GRM6: variants seen among roughly 807,000 people sequenced by gnomAD.
GRM6 encodes the protein metabotropic glutamate receptor 6.
A neutral mutation model predicts 78.4 loss-of-function variants in GRM6; 73 were observed. The ratio of observed to expected loss-of-function variants is 0.93; its 90% CI spans 0.77 to 1.13. GRM6 has a LOEUF of 1.13. GRM6 is among the 50% of genes most tolerant of loss of function. The pLI is 0.00. For synonymous variants in GRM6, 580 were observed against 555.0 expected (o/e 1.05, Z -0.63); for missense variants, 1,251 against 1,256.4 (o/e 1.00, Z 0.07).
intron 2 of GRM6, among the ~76,000 whole-genome samples, chr5:178,993,561 CAGAAGTTCCTCTCCT>C (rs796854094): frequency 4.5e-4 from 69 of 152,244 alleles, no homozygotes; most frequent in African/African-American, 1.6e-3. Flanking sequence ...TCTCAGGAAA[CAGAAGTTCCTCTCCT>C]AGGTAGATGG....
In GRM6 at chr5:178,986,623, T is replaced by C. The variant is rs983807886; in HGVS notation, c.1631A>G (p.Asp544Gly). 13 of 1,602,944 alleles carry C rather than the reference T, an allele frequency of 8.1e-6. No homozygotes were observed. Among genetic ancestry groups the C allele is most frequent in the Admixed American group, 1.7e-5 (1 of 60,004 alleles). ...CTCGTCCACCTGGAAGCGGTACCCG[T>C]CACAGGCCTCGCAGTGCCAACAGCA... ...VPCCWHCEACDGYRFQVDEFT... is the reference protein window; with the variant it reads ...VPCCWHCEACGGYRFQVDEFT... Residue 544 changes from aspartate (D) to glycine (G), a missense_variant, in exon 9 of 11, where the codon GAC becomes GGC. Transcript: ENST00000517717.
Position 178,989,425 on chromosome 5 carries a change from G to A in GRM6, c.1013-20C>T. 1 of 1,613,836 alleles carries A rather than the reference G, an allele frequency of 6.2e-7. No individual in the cohort carries two copies. Among genetic ancestry groups the A allele is most frequent in the Non-Finnish European group, 8.5e-7 (1 of 1,179,988 alleles). On this transcript the variant is annotated intron_variant, in intron 5 of 10. Transcript: ENST00000517717. ...CAAATCCTACAGACAGGGAAGAAGG[G>A]GGAGGGTGGCGCTGACCTGAGCCAG...
chr5:178,989,220 A>AGG, intron 6 of GRM6, 45 bp downstream of exon 6: 43 of 817,062 alleles, frequency 5.3e-5, no homozygotes, highest in Middle Eastern at 3.7e-4. Context: ...CACCCTCACC[A>AGG]CCCTCCCCAC....
At position 178,991,527 on chromosome 5, in the gene GRM6, G is replaced by A. The variant is rs1397465400; in HGVS notation, c.754C>T (p.Pro252Ser). The A allele has an allele frequency of 6.2e-7, 1 of 1,613,880 alleles. No homozygotes were observed. Among genetic ancestry groups the A allele is most frequent in the Non-Finnish European group, 8.5e-7 (1 of 1,179,864 alleles). ...GVCIAQSIKI[P>S]REPKPGEFSK... is the part of the protein sequence containing the mutation. ...AACTCTCCTGGCTTTGGTTCCCTGG[G>A]AATCTTGATAGACTGGGCAATACAG... is the stretch of plus-strand genomic sequence containing the variant. Residue 252 changes from proline to serine, a missense_variant, in exon 4 of 11, where the codon CCC becomes TCC. By Grantham distance (74) the Pro-to-Ser change is moderately conservative (BLOSUM62 -1). Transcript: ENST00000517717. This position sits in a 1 kb window ranked among gnomAD's most constrained non-coding sequence, Gnocchi z 5.0.
At chr5:178,984,343 C>T (rs1760466993) in intron 9 of GRM6, among the ~76,000 whole-genome samples, 1 of 152,178 alleles carries the variant, frequency 6.6e-6, no homozygotes, top group African/African-American at 2.4e-5. Context: ...GAGCAAAGGA[C>T]AGGAACAGGC....
chr5:178,983,598 G>A (rs1449030630), intron 9 of GRM6: 1 of 405,724 alleles, frequency 2.5e-6, no homozygotes, highest in Non-Finnish European at 4.9e-6. Context: ...CGGAAGCTCT[G>A]GAACTGAGGC....
In GRM6 at chr5:178,992,104, C is replaced by G. The variant is rs1465595590; in HGVS notation, c.505-21G>C. On this transcript the variant is annotated intron_variant, in intron 2 of 10. Transcript: ENST00000517717. The surrounding 1 kb of genome is among the most constrained non-coding windows in gnomAD (Gnocchi z 4.9). ...GGTATCTGTGGGGCAGGAAGGACAG[C>G]TGGGCTGTGGATGGAGGTCAGTAAC... 1.3e-6 allele frequency: 2 copies of G among 1,580,534 alleles called. No homozygotes were observed. The highest frequency in any genetic ancestry group is 1.3e-5 in the African/African-American group (1 of 74,260).
rs62638206 is a variant in GRM6 at position 178,991,784 on chromosome 5, C to A, written c.721+83G>T. On this transcript the variant is annotated intron_variant, in intron 3 of 10. Coordinates refer to ENST00000517717, the MANE Select transcript of GRM6 (RefSeq NM_000843.4). This position sits in a 1 kb window ranked among gnomAD's most constrained non-coding sequence, Gnocchi z 5.0. ...CTCGGCCCAGCATGGACCTGGGCCC[C>A]CCATCTTTCTGCTTCTGCCCCAACT... 8.6e-5 allele frequency: 109 copies of A among 1,274,098 alleles called. No homozygotes were observed. The highest frequency in any genetic ancestry group is 1.0e-5 in the Non-Finnish European group (9 of 883,966). The allele number at this position is 1,274,098 out of a possible 1,614,324, so 78.9% of individuals were successfully genotyped here. A position where few individuals can be genotyped will look rare whatever the true frequency, so the allele number is the denominator to read the frequency against.
At chr5:178,987,048 C>G (rs1760581860) in intron 7 of GRM6, 65 bp from the exon 8 acceptor site, 1 of 1,529,452 alleles carries the variant, frequency 6.5e-7, no homozygotes, top group African/African-American at 1.4e-5. Context: ...CCTGGGGAGG[C>G]CCCAGGGACC....
intron 5 of GRM6, chr5:178,990,000 A>C (rs1760643194): frequency 1.0e-5 from 2 of 199,192 alleles, no homozygotes. Flanking sequence ...CCCAGATGCA[A>C]CGTAGCTGAA....
intron 2 of GRM6, among the ~76,000 whole-genome samples, 168 bp downstream of exon 2, chr5:178,994,273 T>C (rs1461386084): frequency 6.6e-6 from 1 of 152,200 alleles, no homozygotes; most frequent in East Asian, 1.9e-4. Context: ...GTGGAGCCGA[T>C]TCAGGCCTGC....
At chr5:178,985,677 T>C (rs537781040) in intron 9 of GRM6, 22 of 390,124 alleles carry the variant, frequency 5.6e-5, no homozygotes, top group South Asian at 1.5e-4. Flanking sequence ...CACTCCAGCC[T>C]GGGCGACACA....
Position 178,981,973 on chromosome 5 carries a change from G to C in GRM6, c.2437-119C>G. 1 of 802,590 alleles carries C rather than the reference G, an allele frequency of 1.2e-6. No homozygotes were observed. The highest frequency in any genetic ancestry group is 2.2e-6 in the Non-Finnish European group (1 of 449,982). The allele number at this position is 802,590 out of a possible 1,614,324, so 49.7% of individuals were successfully genotyped here. ...GTTTCAGTTGGGGAACTGGGAATGA[G>C]CACTTAGACCAGGACAACAGTATGA... On this transcript the variant is annotated intron_variant, in intron 10 of 10. Transcript: ENST00000517717. The surrounding 1 kb of genome is among the most constrained non-coding windows in gnomAD (Gnocchi z 5.1).
intron 1 of GRM6, 40 bp from the exon 2 acceptor site, chr5:178,995,000 G>A (rs1760748591): frequency 9.2e-7 from 1 of 1,081,128 alleles, no homozygotes. Context: ...TCTGAGGGCG[G>A]GGGAAGGAGA....
Position 178,981,559 on chromosome 5 carries a change from C to T in GRM6, c.*98G>A. 1.0e-6 allele frequency: 1 copy of T among 952,466 alleles called. No homozygotes were observed. Among genetic ancestry groups the T allele is most frequent in the Non-Finnish European group, 1.6e-6 (1 of 610,426 alleles). The allele number at this position is 952,466 out of a possible 1,614,324, so 59.0% of individuals were successfully genotyped here. The stretch of plus-strand genomic sequence containing the variant: ...CATGGTCTTGGCAAACTCCCTGCCA[C>T]TGACTGTTCACCGTGGACCCGGGCT... On this transcript the variant is annotated 3_prime_UTR_variant, in exon 11 of 11. Transcript: ENST00000517717. This position sits in a 1 kb window ranked among gnomAD's most constrained non-coding sequence, Gnocchi z 5.1.
At position 178,991,455 on chromosome 5, in the gene GRM6, T is replaced by C. The variant is rs781132655; in HGVS notation, c.826A>G (p.Ile276Val). ...TCATCCTCATTGGCAAAGATGATGA[T>C]GCCCCGGGCGTTGGGCGTCTCCATG... ...RLMETPNARG[I>V]IIFANEDDIR... Residue 276 changes from isoleucine (I) to valine (V), a missense_variant, in exon 4 of 11, where the codon ATC becomes GTC. Coordinates refer to ENST00000517717, the MANE Select transcript of GRM6 (RefSeq NM_000843.4). This position sits in a 1 kb window ranked among gnomAD's most constrained non-coding sequence, Gnocchi z 5.0. 3 of 1,613,834 alleles carry C rather than the reference T, an allele frequency of 1.9e-6. No individual in the cohort carries two copies. Among genetic ancestry groups the C allele is most frequent in the African/African-American group, 2.7e-5 (2 of 74,896 alleles).
At position 178,992,101 on chromosome 5, in the gene GRM6, C is replaced by T; in HGVS notation, c.505-18G>A. The T allele has an allele frequency of 6.3e-7, 1 of 1,588,920 alleles. No individual in the cohort carries two copies. The highest frequency in any genetic ancestry group is 2.2e-5 in the East Asian group (1 of 44,636). On this transcript the variant is annotated intron_variant, in intron 2 of 10. Transcript: ENST00000517717. This position sits in a 1 kb window ranked among gnomAD's most constrained non-coding sequence, Gnocchi z 4.9. ...TGGGGTATCTGTGGGGCAGGAAGGA[C>T]AGCTGGGCTGTGGATGGAGGTCAGT...
At chr5:178,983,516 G>A in intron 9 of GRM6, 1 of 612,538 alleles carries the variant, frequency 1.6e-6, no homozygotes, top group Non-Finnish European at 3.1e-6. Flanking sequence ...GGGGCAGCTT[G>A]GTGTCCTCTT....
intron 5 of GRM6, chr5:178,990,034 C>A: frequency 5.1e-6 from 1 of 197,266 alleles, no homozygotes; most frequent in South Asian, 1.0e-4. Flanking sequence ...TGGTATATAT[C>A]CCCCTAAGGC....
Sources: gnomAD v4.1 joint callset for allele counts (sites outside exome capture counted in the v4.1 genomes callset) on GRCh38, gnomAD v4.1.1 for gene constraint, Gnocchi (gnomAD v3.1) non-coding constraint, MANE v1.5 for transcripts, NCBI Gene and HGNC (gene_info 2026-07-23, HGNC 2026-07-21) for gene names.